Variants in SLIT2 observed in about 807,000 individuals in gnomAD.
SLIT2 encodes slit homolog 2 protein.
A neutral mutation model predicts 185.7 loss-of-function variants in SLIT2; 41 were observed. The ratio of observed to expected loss-of-function variants is 0.22; its 90% CI spans 0.17 to 0.29. SLIT2 has a LOEUF of 0.29. Ranked by LOEUF, SLIT2 falls within the 10% of genes least tolerant of loss-of-function variation. SLIT2 has a pLI of 1.00. For synonymous variants in SLIT2, 693 were observed against 680.2 expected (o/e 1.02, Z -0.29); for missense variants, 1,571 against 1,909.0 (o/e 0.82, Z 3.30).
chr4:20,446,038 G>C (rs1577673675), intron 4 of SLIT2, among the ~76,000 whole-genome samples: 1 of 152,150 alleles, frequency 6.6e-6, no homozygotes, highest in Non-Finnish European at 1.5e-5. Flanking sequence ...GAAACCAGCT[G>C]TTCCCATCTC....
chr4:20,475,469 A>T (rs1419282275), intron 5 of SLIT2, among the ~76,000 whole-genome samples: 1 of 152,026 alleles, frequency 6.6e-6, no homozygotes, highest in East Asian at 1.9e-4. Context: ...AAAGTTCCTG[A>T]GTCTTTTTCC....
At chr4:20,310,321 T>C (rs950491135) in intron 4 of SLIT2, among the ~76,000 whole-genome samples, 3 of 152,168 alleles carry the variant, frequency 2.0e-5, no homozygotes, top group Admixed American at 6.5e-5. Context: ...CATTAGCAAC[T>C]CAAATTTAGT....
chr4:20,533,749 C>T (rs753829907), intron 18 of SLIT2, 34 bp downstream of exon 18: 3 of 1,584,698 alleles, frequency 1.9e-6, no homozygotes, highest in Non-Finnish European at 2.6e-6. Flanking sequence ...AGTTCTTCTA[C>T]CAAAGGATTG....
At chr4:20,503,843 G>A (rs1718961528) in intron 9 of SLIT2, among the ~76,000 whole-genome samples, 1 of 152,056 alleles carries the variant, frequency 6.6e-6, no homozygotes, top group African/African-American at 2.4e-5. Flanking sequence ...TGAGGAACAA[G>A]AAATCCCAAG....
At chr4:20,582,106 G>A (rs1726630686) in intron 29 of SLIT2, among the ~76,000 whole-genome samples, 1 of 152,160 alleles carries the variant, frequency 6.6e-6, no homozygotes, top group South Asian at 2.1e-4. Flanking sequence ...AAACCTTTCA[G>A]TGGGAGCCTA....
intron 4 of SLIT2, among the ~76,000 whole-genome samples, chr4:20,447,065 C>T (rs1263317306): frequency 6.6e-6 from 1 of 152,188 alleles, no homozygotes; most frequent in Admixed American, 6.5e-5. Context: ...CTGATCAATG[C>T]TTGCCTCGAG....
Position 20,268,877 on chromosome 4 carries a change from A to T in SLIT2, c.391A>T (p.Arg131Trp). ...GTTTCTTGGGACTGCGAAGCTATAC[A>T]GGCTGTAAGTAGACACAAATAGTTA... ...LLFLGTAKLY[R>W]LDLSENQIQA... The change falls in exon 4 of 37, where the codon AGG becomes TGG. Residue 131 changes from arginine to tryptophan, a missense_variant. Coordinates refer to ENST00000504154, the MANE Select transcript of SLIT2 (RefSeq NM_004787.4). 6.3e-7 allele frequency: 1 copy of T among 1,589,402 alleles called. No individual in the cohort carries two copies. Among genetic ancestry groups the T allele is most frequent in the Non-Finnish European group, 8.6e-7 (1 of 1,157,942 alleles).
At chr4:20,543,279 A>G (rs546418014) in intron 21 of SLIT2, among the ~76,000 whole-genome samples, 16 of 152,232 alleles carry the variant, frequency 1.1e-4, no homozygotes, top group African/African-American at 2.9e-4. Flanking sequence ...ACCACAAATT[A>G]TATGGCCAGG....
chr4:20,589,768 T>A (rs1327022620), intron 30 of SLIT2, 31 bp downstream of exon 30: 1 of 1,526,884 alleles, frequency 6.5e-7, no homozygotes, highest in South Asian at 1.1e-5. Flanking sequence ...TTGCTCACAG[T>A]CAGGGTAGGG....
intron 6 of SLIT2, among the ~76,000 whole-genome samples, chr4:20,481,448 C>A (rs904187721): frequency 6.6e-6 from 1 of 152,054 alleles, no homozygotes; most frequent in Non-Finnish European, 1.5e-5. Flanking sequence ...TTAATGAAAA[C>A]TGTGGTTACT....
At chr4:20,546,840 A>G (rs752080401) in intron 22 of SLIT2, among the ~76,000 whole-genome samples, 1 of 152,092 alleles carries the variant, frequency 6.6e-6, no homozygotes, top group East Asian at 1.9e-4. Context: ...AAGTAGCCTT[A>G]TTGGTAATTG....
intron 6 of SLIT2, among the ~76,000 whole-genome samples, chr4:20,482,131 A>G (rs1487913672): frequency 6.6e-6 from 1 of 151,948 alleles, no homozygotes; most frequent in Non-Finnish European, 1.5e-5. Flanking sequence ...TCATGGCAAA[A>G]CCATAGTCAG....
intron 4 of SLIT2, among the ~76,000 whole-genome samples, chr4:20,419,152 T>TG (rs1039984408): frequency 2.6e-5 from 4 of 152,168 alleles, no homozygotes; most frequent in African/African-American, 7.2e-5. Flanking sequence ...TAGTAACACT[T>TG]GCGGTGGTGT....
chr4:20,611,603 C>A (rs2148981843), intron 34 of SLIT2, among the ~76,000 whole-genome samples: 1 of 152,272 alleles, frequency 6.6e-6, no homozygotes, highest in African/African-American at 2.4e-5. Context: ...CATTAAAAAC[C>A]AAATCTTCCA....
At chr4:20,456,160 T>G (rs1713044294) in intron 4 of SLIT2, among the ~76,000 whole-genome samples, 1 of 149,952 alleles carries the variant, frequency 6.7e-6, no homozygotes, top group Non-Finnish European at 1.5e-5. Flanking sequence ...TCCTAAATCC[T>G]TTGTTATAAT....
intron 4 of SLIT2, among the ~76,000 whole-genome samples, chr4:20,343,204 C>G (rs549836038): frequency 6.6e-6 from 1 of 152,214 alleles, no homozygotes; most frequent in African/African-American, 2.4e-5. Flanking sequence ...CAGCCTCTCT[C>G]TTCATCCCCC....
intron 4 of SLIT2, among the ~76,000 whole-genome samples, chr4:20,443,689 C>T (rs945295883): frequency 1.0e-4 from 15 of 150,460 alleles, no homozygotes; most frequent in Admixed American, 4.0e-4. Context: ...AAGTACCAAG[C>T]GGTCTTAGGT....
At chr4:20,553,057 C>T (rs1039949473) in intron 25 of SLIT2, among the ~76,000 whole-genome samples, 3 of 152,104 alleles carry the variant, frequency 2.0e-5, no homozygotes, top group South Asian at 2.1e-4. Context: ...AATGAACAAC[C>T]GTAAAATGAA....
chr4:20,480,964 C>T (rs764055787), intron 6 of SLIT2, among the ~76,000 whole-genome samples, 177 bp downstream of exon 6: 19 of 151,972 alleles, frequency 1.3e-4, no homozygotes, highest in Non-Finnish European at 2.4e-4. Context: ...CAAAACCTTG[C>T]GTACCATATC....
Sources: gnomAD v4.1 joint callset for allele counts (sites outside exome capture counted in the v4.1 genomes callset) on GRCh38, gnomAD v4.1.1 for gene constraint, MANE v1.5 for transcripts, NCBI Gene and HGNC (gene_info 2026-07-23, HGNC 2026-07-21) for gene names.